Variants in TOR3A observed in about 807,000 individuals in gnomAD.
TOR3A encodes torsin-3A.
In TOR3A, 44 loss-of-function variants were observed where a neutral mutation model predicts 42.1. The ratio of observed to expected loss-of-function variants is 1.04; its 90% CI spans 0.82 to 1.34. The LOEUF (loss-of-function observed/expected upper bound fraction) is 1.34. Ranked by LOEUF, TOR3A falls within the 40% of genes most tolerant of loss-of-function variation. The probability of loss-of-function intolerance (pLI) is 0.00; values close to 1 mark genes in which losing one functional copy is unlikely to be tolerated. For missense variants in TOR3A, 521 were observed against 507.6 expected (o/e 1.03, Z -0.25); for synonymous variants, 227 against 213.2 (o/e 1.06, Z -0.57).
intron 5 of TOR3A, among the ~76,000 whole-genome samples, chr1:179,094,692 A>G (rs1652685442): frequency 6.6e-6 from 1 of 152,072 alleles, no homozygotes; most frequent in South Asian, 2.1e-4. Context: ...CAGTCTGGCC[A>G]ACATAGTGAA....
chr1:179,091,086 A>G (rs1346439390), intron 4 of TOR3A, among the ~76,000 whole-genome samples: 1 of 152,176 alleles, frequency 6.6e-6, no homozygotes. Flanking sequence ...GACTGAGTCT[A>G]TGTCTGTTCT....
At position 179,095,397 on chromosome 1, in the gene TOR3A, C is replaced by T; in HGVS notation, c.*179C>T. 6.9e-7 allele frequency: 1 copy of T among 1,451,348 alleles called. No homozygotes were observed. Among genetic ancestry groups the T allele is most frequent in the Non-Finnish European group, 9.0e-7 (1 of 1,109,554 alleles). The allele number at this position is 1,451,348 out of a possible 1,614,324, so 89.9% of individuals were successfully genotyped here. On this transcript the variant is annotated 3_prime_UTR_variant, in exon 6 of 6. Transcript: ENST00000367627. ...GCCTTACATTAGAAGCCAAGCCAAT[C>T]CTTTTTCTTTTTTTTGGAGGTCCCA...
Position 179,095,482 on chromosome 1 carries a change from C to G in TOR3A, c.*264C>G. ...AAAACAGAGCCCATTCTTAAGATCA[C>G]TTGGTGCCTTAAAGACACGCATTCC... On this transcript the variant is annotated 3_prime_UTR_variant, in exon 6 of 6. Coordinates refer to ENST00000367627, the MANE Select transcript of TOR3A (RefSeq NM_022371.4). 1 of 1,334,444 alleles carries G rather than the reference C, an allele frequency of 7.5e-7. No homozygotes were observed. The highest frequency in any genetic ancestry group is 1.8e-5 in the South Asian group (1 of 54,266). The allele number at this position is 1,334,444 out of a possible 1,614,324, so 82.7% of individuals were successfully genotyped here.
chr1:179,089,067 G>C (rs1039042213), intron 4 of TOR3A, among the ~76,000 whole-genome samples: 9 of 152,166 alleles, frequency 5.9e-5, no homozygotes, highest in African/African-American at 1.9e-4. Context: ...GTGTGGAGGG[G>C]TGAAGGGTTG....
At chr1:179,092,029 C>T (rs1652601974) in intron 4 of TOR3A, among the ~76,000 whole-genome samples, 2 of 152,356 alleles carry the variant, frequency 1.3e-5, no homozygotes, top group East Asian at 1.9e-4. Context: ...CGGGCTCCTC[C>T]AGCTGGGAGC....
chr1:179,083,120 G>A (rs1189769412), intron 2 of TOR3A, 67 bp downstream of exon 2: 1 of 972,202 alleles, frequency 1.0e-6, no homozygotes, highest in Non-Finnish European at 1.5e-6. Flanking sequence ...AGGGGAAATG[G>A]TTAGATGCAA....
At position 179,085,641 on chromosome 1, in the gene TOR3A, C is replaced by T; in HGVS notation, c.387C>T (p.Asp129=). Residue 129 remains aspartate, a synonymous_variant, in exon 3 of 6, where the codon GAC becomes GAT. Coordinates refer to ENST00000367627, the MANE Select transcript of TOR3A (RefSeq NM_022371.4). ...ISNNFTGLEW[D]LNVRLHGQHL... is the part of the protein sequence containing the mutation. ...TCCTGTCCTTAGGCTTAGAGTGGGA[C>T]CTGAATGTGCGGCTGCATGGCCAGC... is the stretch of plus-strand genomic sequence containing the variant. 3 of 1,614,002 alleles carry T rather than the reference C, an allele frequency of 1.9e-6. No homozygotes were observed. Among genetic ancestry groups the T allele is most frequent in the Non-Finnish European group, 2.5e-6 (3 of 1,180,000 alleles).
At chr1:179,089,348 T>C (rs1572575517) in intron 4 of TOR3A, among the ~76,000 whole-genome samples, 1 of 148,132 alleles carries the variant, frequency 6.8e-6, no homozygotes, top group South Asian at 2.1e-4. Context: ...GTGAAACAGG[T>C]TTAAGCCGTT....
In TOR3A at chr1:179,083,800, G is replaced by T. The variant is rs111308295; in HGVS notation, c.373+747G>T. On this transcript the variant is annotated intron_variant, in intron 2 of 5. Transcript: ENST00000367627. ...CTCACAAGGTGATCTTTGGCCCCAT[G>T]TTCTGAAACCTGTTCAGACATTTGC... 9.0e-4 allele frequency among the ~76,000 whole-genome samples: 137 copies of T among 152,256 alleles called. No homozygotes were observed. The Middle Eastern group carries it at 0.01, about 11-fold the overall frequency.
intron 2 of TOR3A, among the ~76,000 whole-genome samples, chr1:179,083,581 C>CGG (rs78979955): frequency 2.6e-4 from 27 of 102,484 alleles, no homozygotes; most frequent in Middle Eastern, 4.8e-3. Context: ...TTAGTAGAGG[C>CGG]GGGGGGGGGG....
At chr1:179,094,603 G>A (rs540208145) in intron 5 of TOR3A, among the ~76,000 whole-genome samples, 9 of 152,176 alleles carry the variant, frequency 5.9e-5, no homozygotes, top group Admixed American at 5.9e-4. Context: ...TCGGGGCCAG[G>A]TGTGGTGGCT....
intron 2 of TOR3A, among the ~76,000 whole-genome samples, chr1:179,084,858 C>T (rs12116579): frequency 2.0e-5 from 3 of 152,194 alleles, no homozygotes; most frequent in African/African-American, 7.2e-5. Flanking sequence ...TACAACCTCA[C>T]GTCTGACAGG....
chr1:179,091,958 G>A (rs561246414), intron 4 of TOR3A, among the ~76,000 whole-genome samples: 5 of 152,326 alleles, frequency 3.3e-5, no homozygotes, highest in Middle Eastern at 3.4e-3. Context: ...CAGCTTCCCC[G>A]GGGAAAGCCT....
chr1:179,087,503 A>G (rs1489921087), intron 3 of TOR3A, among the ~76,000 whole-genome samples: 1 of 152,174 alleles, frequency 6.6e-6, no homozygotes, highest in Non-Finnish European at 1.5e-5. Flanking sequence ...TTGCGCCTGG[A>G]TGTTTTTGTT....
At chr1:179,089,968 G>A (rs1652535193) in intron 4 of TOR3A, among the ~76,000 whole-genome samples, 1 of 152,154 alleles carries the variant, frequency 6.6e-6, no homozygotes, top group South Asian at 2.1e-4. Flanking sequence ...GTGACCCGGT[G>A]ACCCTGCAGT....
chr1:179,083,365 T>G (rs1652344559), intron 2 of TOR3A, among the ~76,000 whole-genome samples: 1 of 151,566 alleles, frequency 6.6e-6, no homozygotes. Flanking sequence ...GATCAGAAAT[T>G]CTGGGTTGTG....
chr1:179,087,794 G>A (rs559748341), intron 3 of TOR3A, 117 bp from the exon 4 acceptor site: 2 of 924,112 alleles, frequency 2.2e-6, no homozygotes, highest in African/African-American at 3.4e-5. Flanking sequence ...CGGGGGGCGG[G>A]GGGTGGGGAA....
rs189881753 is a variant in TOR3A, at chr1:179,092,309, G to A, written c.819-1784G>A. Among the ~76,000 whole-genome samples the A allele has an allele frequency of 1.2e-3, 181 of 152,330 alleles. 1 individual carries two copies. The highest frequency in any genetic ancestry group is 4.0e-3 in the African/African-American group (168 of 41,562). ...GATGTGAGCTAATATACTGGTAGGT[G>A]TCATGGGGGCTTTCAGAGCTGGGTA... On this transcript the variant is annotated intron_variant, in intron 4 of 5. Transcript: ENST00000367627.
intron 4 of TOR3A, among the ~76,000 whole-genome samples, chr1:179,092,510 A>C (rs1652616998): frequency 6.6e-6 from 1 of 152,102 alleles, no homozygotes; most frequent in African/African-American, 2.4e-5. Flanking sequence ...GAATCACTTG[A>C]GCCTAGGAGT....
Sources: allele counts gnomAD v4.1 joint callset (sites outside exome capture counted in the v4.1 genomes callset), GRCh38; gene constraint gnomAD v4.1.1; transcripts MANE v1.5; gene names NCBI Gene and HGNC (gene_info 2026-07-23, HGNC 2026-07-21).